The following XKR9 variants were observed in gnomAD, a reference collection of about 807,000 sequenced individuals.
The protein encoded by XKR9 is XK-related protein 9.
Under a neutral mutation model 32.0 loss-of-function variants are expected in XKR9, and 32 were observed. The observed-to-expected ratio is 1.00, with a 90% CI of 0.76 to 1.34. The LOEUF is 1.34. XKR9 is among the 40% of genes most tolerant of loss of function. The pLI is 0.00. For missense variants in XKR9, 546 were observed against 429.7 expected (o/e 1.27, Z -2.39); for synonymous variants, 168 against 143.4 (o/e 1.17, Z -1.22).
the XKR9 span, among the ~76,000 whole-genome samples, chr8:71,022,616 T>A: frequency 1.2e-4 from 19 of 152,338 alleles, no homozygotes; most frequent in African/African-American, 3.1e-4. Flanking sequence ...TTGGGTTGTA[T>A]CTATGCAGGG....
At chr8:70,991,762 A>G in the XKR9 span, among the ~76,000 whole-genome samples, 5 of 152,242 alleles carry the variant, frequency 3.3e-5, no homozygotes, top group Non-Finnish European at 5.9e-5. Flanking sequence ...CCTGCTATAC[A>G]GTTAATTTAA....
chr8:71,050,270 G>GATATATATATAGAT, the XKR9 span, among the ~76,000 whole-genome samples: 1 of 123,710 alleles, frequency 8.1e-6, no homozygotes, highest in Non-Finnish European at 1.7e-5. Flanking sequence ...TAGATAGATA[G>GATATATATATAGAT]ATAGATATAG....
the XKR9 span, among the ~76,000 whole-genome samples, chr8:70,927,007 A>T: frequency 2.0e-5 from 3 of 152,084 alleles, no homozygotes; most frequent in Non-Finnish European, 4.4e-5. Flanking sequence ...ATAAAATAAA[A>T]TCCATTTTAT....
the XKR9 span, among the ~76,000 whole-genome samples, chr8:70,853,611 GTATA>G: frequency 6.6e-6 from 1 of 151,538 alleles, no homozygotes. Flanking sequence ...TGTTACATAT[GTATA>G]CATGTGCCAT....
chr8:70,688,774 C>G (rs1461894018), intron 3 of XKR9, among the ~76,000 whole-genome samples: 1 of 151,010 alleles, frequency 6.6e-6, no homozygotes, highest in Non-Finnish European at 1.5e-5. Context: ...GTATATGCAG[C>G]ATGAAAACAG....
chr8:70,957,812 C>T, the XKR9 span, among the ~76,000 whole-genome samples: 18 of 82,850 alleles, frequency 2.2e-4, 1 homozygote, highest in African/African-American at 4.9e-4. Context: ...TTTTTTGGGA[C>T]GGAGTCTCAC....
chr8:70,720,144 G>T (rs559995148), intron 4 of XKR9, among the ~76,000 whole-genome samples: 45 of 152,254 alleles, frequency 3.0e-4, no homozygotes, highest in African/African-American at 1.1e-3. Flanking sequence ...TTTGCACATT[G>T]ATTTTGTATC....
chr8:70,880,670 C>G, the XKR9 span, among the ~76,000 whole-genome samples: 1 of 152,144 alleles, frequency 6.6e-6, no homozygotes, highest in Non-Finnish European at 1.5e-5. Flanking sequence ...TAGGAAGAAT[C>G]AATATCATGA....
At chr8:70,922,292 T>G in the XKR9 span, among the ~76,000 whole-genome samples, 5 of 152,168 alleles carry the variant, frequency 3.3e-5, no homozygotes, top group Admixed American at 2.0e-4. Context: ...GGGTAAACAT[T>G]TAGAAGCGCC....
the XKR9 span, among the ~76,000 whole-genome samples, chr8:70,804,744 A>T: frequency 6.6e-6 from 1 of 152,250 alleles, no homozygotes; most frequent in Non-Finnish European, 1.5e-5. Context: ...TTGAAGCTAA[A>T]TATAATGGGT....
the XKR9 span, among the ~76,000 whole-genome samples, chr8:70,809,910 C>G: frequency 6.6e-6 from 1 of 152,070 alleles, no homozygotes; most frequent in East Asian, 1.9e-4. Context: ...GCAAGGCAGG[C>G]CAACATTCAG....
intron 3 of XKR9, among the ~76,000 whole-genome samples, chr8:70,689,704 A>T (rs1277555042): frequency 6.6e-6 from 1 of 152,124 alleles, no homozygotes; most frequent in African/African-American, 2.4e-5. Context: ...AAGAATGATA[A>T]AGTACTTTCT....
At chr8:70,688,607 G>A (rs1208907409) in intron 3 of XKR9, among the ~76,000 whole-genome samples, 6 of 151,904 alleles carry the variant, frequency 3.9e-5, no homozygotes, top group African/African-American at 1.5e-4. Flanking sequence ...TAGTAGAGAC[G>A]GGGTTTCACC....
rs567029430 is a variant in XKR9 at position 70,761,370 on chromosome 8, A to AT, written n.353-27960dup. The stretch of plus-strand genomic sequence containing the variant: ...CTTTTTTCACCACAGCCTCACCAGC[A>AT]TTTTTTTTTGACTTTTTAATAAAAG... On this transcript the variant is annotated intron_variant and non_coding_transcript_variant, in intron 2 of 3. Coordinates refer to the XKR9 transcript ENST00000520273. Among the ~76,000 whole-genome samples the AT allele has an allele frequency of 3.4e-3, 508 of 150,584 alleles. 2 individuals are homozygous for AT. Among genetic ancestry groups the AT allele is most frequent in the Middle Eastern group, 0.028 (8 of 290 alleles).
At chr8:70,742,129 A>T (rs6995996) in intron 2 of XKR9, among the ~76,000 whole-genome samples, 1 of 152,152 alleles carries the variant, frequency 6.6e-6, no homozygotes, top group African/African-American at 2.4e-5. Flanking sequence ...TATTTAATTA[A>T]GGGTTAACAT....
intron 3 of XKR9, among the ~76,000 whole-genome samples, chr8:70,685,787 T>A (rs1250422933): frequency 6.9e-6 from 1 of 144,218 alleles, no homozygotes. Flanking sequence ...TAATGCTAAA[T>A]GATGAGTTAA....
the XKR9 span, among the ~76,000 whole-genome samples, chr8:71,025,469 G>T: frequency 5.3e-5 from 8 of 152,090 alleles, no homozygotes; most frequent in Non-Finnish European, 1.0e-4. Flanking sequence ...CTTACAATTC[G>T]TAACAAAGGC....
chr8:70,826,385 G>T, the XKR9 span, among the ~76,000 whole-genome samples: 3 of 152,082 alleles, frequency 2.0e-5, no homozygotes, highest in Non-Finnish European at 4.4e-5. Context: ...CCAATTTGTT[G>T]TTTATTCTTA....
chr8:71,029,467 G>A, the XKR9 span, among the ~76,000 whole-genome samples: 3 of 152,024 alleles, frequency 2.0e-5, no homozygotes, highest in Non-Finnish European at 2.9e-5. Context: ...AATCTCTCTG[G>A]AACCTAGATG....
Sources: gnomAD v4.1 joint callset for allele counts (sites outside exome capture counted in the v4.1 genomes callset) on GRCh38, gnomAD v4.1.1 for gene constraint, MANE v1.5 for transcripts, NCBI Gene and HGNC (gene_info 2026-07-23, HGNC 2026-07-21) for gene names.